DCPS: variants seen among roughly 807,000 people sequenced by gnomAD.
DCPS encodes m7GpppX diphosphatase.
DCPS carries 27 observed loss-of-function variants against 34.7 expected under a neutral mutation model. The observed-to-expected ratio is 0.78, with a 90% CI of 0.57 to 1.07. DCPS has a LOEUF of 1.07. Among genes scored for constraint, DCPS ranks in the 50% least tolerant of loss-of-function variants. The pLI is 0.00. For missense variants in DCPS, 464 were observed against 436.9 expected (o/e 1.06, Z -0.55); for synonymous variants, 185 against 185.7 (o/e 1.00, Z 0.03).
intron 2 of DCPS, among the ~76,000 whole-genome samples, chr11:126,317,215 T>G (rs1951669778): frequency 6.6e-6 from 1 of 151,310 alleles, no homozygotes; most frequent in Non-Finnish European, 1.5e-5. Context: ...CTCCTCGGCC[T>G]CCCAAAGTGC....
rs879915182 is a variant in DCPS, at chr11:126,329,128, C to T, written c.377-2277C>T. Among the ~76,000 whole-genome samples, 1 of 152,160 alleles carries T rather than the reference C, an allele frequency of 6.6e-6. No homozygotes were observed. Among genetic ancestry groups the T allele is most frequent in the Non-Finnish European group, 1.5e-5 (1 of 68,026 alleles). ...GTTCAGTCTACTTCAAGCAGTCTCC[C>T]GCCTCTTGAGATCTTGGTGTGCCTG... On this transcript the variant is annotated intron_variant, in intron 2 of 5. Coordinates refer to ENST00000263579, the MANE Select transcript of DCPS (RefSeq NM_014026.6). This position sits in a 1 kb window ranked among gnomAD's most constrained non-coding sequence, Gnocchi z 5.0.
intron 2 of DCPS, among the ~76,000 whole-genome samples, chr11:126,314,356 T>G (rs1951642158): frequency 1.3e-5 from 2 of 152,172 alleles, no homozygotes; most frequent in Admixed American, 1.3e-4. Context: ...TTGGTGTGGA[T>G]GCAGTGAAAA....
In DCPS at chr11:126,320,535, GCTCATGCCC is replaced by G. The variant is rs1951698276; in HGVS notation, c.377-10867_377-10859del. 2.0e-5 allele frequency among the ~76,000 whole-genome samples: 3 copies of G among 152,144 alleles called. No homozygotes were observed. In the South Asian group the frequency reaches 6.2e-4, roughly 31 times the overall value. On this transcript the variant is annotated intron_variant, in intron 2 of 5. Transcript: ENST00000263579. This position sits in a 1 kb window ranked among gnomAD's most constrained non-coding sequence, Gnocchi z 4.7. ...AAGACTACAAGGGCGGGGTGCAGTGGCTCATGCCCCTAATCCCAACACATTGGGAGGCCA... is the reference window on the plus strand; with the variant it reads ...AAGACTACAAGGGCGGGGTGCAGTGGCTAATCCCAACACATTGGGAGGCCA...
rs547516685 is a variant in DCPS at position 126,316,006 on chromosome 11, C to T, written c.376+9262C>T. Among the ~76,000 whole-genome samples the T allele has an allele frequency of 5.9e-5, 9 of 152,146 alleles. No homozygotes were observed. In the South Asian group the frequency reaches 1.9e-3, roughly 32 times the overall value. Reference sequence around the variant, plus strand: ...GGGATTACAGATGTGAGTCACCACGCCTGGCTGGAGAGTGCTTTTGATGTC... The same window carrying T: ...GGGATTACAGATGTGAGTCACCACGTCTGGCTGGAGAGTGCTTTTGATGTC... On this transcript the variant is annotated intron_variant, in intron 2 of 5. Transcript: ENST00000263579.
chr11:126,338,964 C>T lies in DCPS; in HGVS notation c.636+565C>T, dbSNP rs918291453. On this transcript the variant is annotated intron_variant, in intron 4 of 5. Transcript: ENST00000263579. The surrounding 1 kb of genome is among the most constrained non-coding windows in gnomAD (Gnocchi z 5.4). ...CCTAAGGAGCAGGTTTGGGAGGAGC[C>T]GTCCTCCCTCACAGGTATCCCTTTC... 1.3e-5 allele frequency among the ~76,000 whole-genome samples: 2 copies of T among 152,214 alleles called. No homozygotes were observed. The highest frequency in any genetic ancestry group is 2.4e-5 in the African/African-American group (1 of 41,460).
rs1565380574 is a variant in DCPS at position 126,342,557 on chromosome 11, C to T, written c.637-750C>T. On this transcript the variant is annotated intron_variant, in intron 4 of 5. Transcript: ENST00000263579. This position sits in a 1 kb window ranked among gnomAD's most constrained non-coding sequence, Gnocchi z 4.4. ...TACCTGAATACCCTTTCTCCAAATTCTACCTTTTTTCTAGACCTGATCCTC... is the reference window on the plus strand; with the variant it reads ...TACCTGAATACCCTTTCTCCAAATTTTACCTTTTTTCTAGACCTGATCCTC... Among the ~76,000 whole-genome samples, 1 of 152,218 alleles carries T rather than the reference C, an allele frequency of 6.6e-6. No individual in the cohort carries two copies.
At position 126,347,523 on chromosome 11, in the gene DCPS, C is replaced by T. The variant is rs1208833845; in HGVS notation, c.*1910C>T. Among the ~76,000 whole-genome samples, 1 of 152,186 alleles carries T rather than the reference C, an allele frequency of 6.6e-6. No individual in the cohort carries two copies. The highest frequency in any genetic ancestry group is 1.5e-5 in the Non-Finnish European group (1 of 68,044). On this transcript the variant is annotated 3_prime_UTR_variant, in exon 6 of 6. Coordinates refer to ENST00000263579, the MANE Select transcript of DCPS (RefSeq NM_014026.6). This position sits in a 1 kb window ranked among gnomAD's most constrained non-coding sequence, Gnocchi z 4.2. ...CCAGGCGTGAGCCACCGCGCCCAGC[C>T]CCTGCAATACGTCAACAGTCCCTAG...
rs572192729 is a variant in DCPS at position 126,327,363 on chromosome 11, A to G, written c.377-4042A>G. Among the ~76,000 whole-genome samples, 171 of 152,346 alleles carry G rather than the reference A, an allele frequency of 1.1e-3. No homozygotes were observed. The highest frequency in any genetic ancestry group is 3.8e-3 in the African/African-American group (160 of 41,580). On this transcript the variant is annotated intron_variant, in intron 2 of 5. Coordinates refer to ENST00000263579, the MANE Select transcript of DCPS (RefSeq NM_014026.6). This position sits in a 1 kb window ranked among gnomAD's most constrained non-coding sequence, Gnocchi z 4.1. ...TTTTTGGCCAGAATTCCACATGATCAGGAGGCACATGATGTCGGCGTGCCC... is the reference window on the plus strand; with the variant it reads ...TTTTTGGCCAGAATTCCACATGATCGGGAGGCACATGATGTCGGCGTGCCC...
Position 126,331,603 on chromosome 11 carries a change from C to A in DCPS, c.522+53C>A. On this transcript the variant is annotated intron_variant, in intron 3 of 5. Coordinates refer to ENST00000263579, the MANE Select transcript of DCPS (RefSeq NM_014026.6). The surrounding 1 kb of genome is among the most constrained non-coding windows in gnomAD (Gnocchi z 7.2). The stretch of plus-strand genomic sequence containing the variant: ...AGCACTGCTCCCGTGGCTGGTGCCT[C>A]CTCTTACGAGTGTCTATTGGGGTCA... 1 of 1,599,106 alleles carries A rather than the reference C, an allele frequency of 6.3e-7. No individual in the cohort carries two copies.
At chr11:126,314,564 C>A (rs970700247) in intron 2 of DCPS, among the ~76,000 whole-genome samples, 1 of 151,926 alleles carries the variant, frequency 6.6e-6, no homozygotes, top group African/African-American at 2.4e-5. Context: ...GCACAACTTG[C>A]GATTGCAAAA....
rs1448488408 is a variant in DCPS at position 126,336,044 on chromosome 11, A to G, written c.523-2242A>G. ...GGCAAGAGAATCGCTTGAACCTGGGAGGCGGAGGTTGCAGTGAGCCGAAAT... is the reference window on the plus strand; with the variant it reads ...GGCAAGAGAATCGCTTGAACCTGGGGGGCGGAGGTTGCAGTGAGCCGAAAT... On this transcript the variant is annotated intron_variant, in intron 3 of 5. Transcript: ENST00000263579. The surrounding 1 kb of genome is among the most constrained non-coding windows in gnomAD (Gnocchi z 6.3). 6.8e-6 allele frequency among the ~76,000 whole-genome samples: 1 copy of G among 146,360 alleles called. No individual in the cohort carries two copies. The highest frequency in any genetic ancestry group is 1.5e-5 in the Non-Finnish European group (1 of 67,274).
intron 2 of DCPS, among the ~76,000 whole-genome samples, chr11:126,309,148 C>A (rs573397245): frequency 6.6e-6 from 1 of 152,154 alleles, no homozygotes; most frequent in Admixed American, 6.6e-5. Context: ...CCTCAGCCTC[C>A]CGAGTAGCTG....
chr11:126,307,450 G>A (rs1327134572), intron 2 of DCPS, among the ~76,000 whole-genome samples: 2 of 151,814 alleles, frequency 1.3e-5, no homozygotes, highest in African/African-American at 4.8e-5. Context: ...TTGCTCTGTT[G>A]CCCAGGCTAG....
chr11:126,329,891 C>T lies in DCPS; in HGVS notation c.377-1514C>T, dbSNP rs192739067. 6.9e-4 allele frequency among the ~76,000 whole-genome samples: 105 copies of T among 152,248 alleles called. No homozygotes were observed. Among genetic ancestry groups the T allele is most frequent in the African/African-American group, 1.7e-3 (71 of 41,524 alleles). On this transcript the variant is annotated intron_variant, in intron 2 of 5. Transcript: ENST00000263579. This position sits in a 1 kb window ranked among gnomAD's most constrained non-coding sequence, Gnocchi z 5.0. ...GTGCCCGCTGGGTTTTCAGCTCTCT[C>T]GGGTTTCCCTGGGAGAGCCTATCCG... is the stretch of plus-strand genomic sequence containing the variant.
rs929329428 is a variant in DCPS, at chr11:126,340,526, G to A, written c.636+2127G>A. 4.6e-5 allele frequency among the ~76,000 whole-genome samples: 7 copies of A among 152,248 alleles called. 1 individual carries two copies. Among genetic ancestry groups the A allele is most frequent in the Admixed American group, 3.3e-4 (5 of 15,288 alleles). ...ACTTTTGATGATGCTGTATTTTAGC[G>A]TCTCAAATCTTTGACTTGTGACAGC... On this transcript the variant is annotated intron_variant, in intron 4 of 5. Coordinates refer to ENST00000263579, the MANE Select transcript of DCPS (RefSeq NM_014026.6).
intron 2 of DCPS, among the ~76,000 whole-genome samples, chr11:126,308,677 T>G (rs1358953976): frequency 6.6e-6 from 1 of 152,208 alleles, no homozygotes; most frequent in Non-Finnish European, 1.5e-5. Context: ...CTCTAGGGGC[T>G]ATTATTTTAC....
At chr11:126,318,655 A>C (rs148474000) in intron 2 of DCPS, among the ~76,000 whole-genome samples, 243 of 152,274 alleles carry the variant, frequency 1.6e-3, no homozygotes, top group South Asian at 4.8e-3. Flanking sequence ...TTCGACTCAG[A>C]TCATGCATTG....
In DCPS at chr11:126,334,327, CATTT is replaced by C. The variant is rs201995739; in HGVS notation, c.522+2793_522+2796del. On this transcript the variant is annotated intron_variant, in intron 3 of 5. Coordinates refer to ENST00000263579, the MANE Select transcript of DCPS (RefSeq NM_014026.6). This position sits in a 1 kb window ranked among gnomAD's most constrained non-coding sequence, Gnocchi z 5.5. ...CTAAGCATTTATGCGCATCACACCT[CATTT>C]ATTTATTTATTTATTATTTATTTAT... Among the ~76,000 whole-genome samples the C allele has an allele frequency of 6.6e-6, 1 of 151,970 alleles. No homozygotes were observed. The highest frequency in any genetic ancestry group is 1.5e-5 in the Non-Finnish European group (1 of 68,000).
intron 2 of DCPS, among the ~76,000 whole-genome samples, chr11:126,307,815 C>A (rs577857389): frequency 6.6e-6 from 1 of 152,274 alleles, no homozygotes; most frequent in Non-Finnish European, 1.5e-5. Flanking sequence ...TCAAAACAGC[C>A]CTCTTGTAAG....
Sources: gnomAD v4.1 joint callset for allele counts (sites outside exome capture counted in the v4.1 genomes callset) on GRCh38, gnomAD v4.1.1 for gene constraint, Gnocchi (gnomAD v3.1) non-coding constraint, MANE v1.5 for transcripts, NCBI Gene and HGNC (gene_info 2026-07-23, HGNC 2026-07-21) for gene names.